Variants in MIA2 observed in about 807,000 individuals in gnomAD.
MIA2 encodes the protein MIA SH3 domain ER export factor 2, also known as melanoma inhibitory activity protein 2.
A neutral mutation model predicts 167.8 loss-of-function variants in MIA2; 127 were observed. The observed-to-expected ratio is 0.76, with a 90% CI of 0.66 to 0.88. MIA2 has a LOEUF of 0.88. MIA2 is among the 40% of genes least tolerant of loss of function. The pLI is 0.00. For synonymous variants in MIA2, 552 were observed against 541.9 expected, an observed-to-expected ratio of 1.02 and a Z score of -0.26; for missense variants, 1,690 against 1,624.7, an observed-to-expected ratio of 1.04 and a Z score of -0.69.
chr14:39,356,260 C>T (rs1339795994), downstream of MIA2, among the ~76,000 whole-genome samples: 1 of 152,164 alleles, frequency 6.6e-6, no homozygotes, highest in Non-Finnish European at 1.5e-5. Flanking sequence ...AGAGATTCAA[C>T]TTCTTCCTGG....
intron 25 of MIA2, among the ~76,000 whole-genome samples, chr14:39,340,508 C>T (rs2071547582): frequency 6.6e-6 from 1 of 152,204 alleles, no homozygotes; most frequent in South Asian, 2.1e-4. Context: ...TTTTACTTCA[C>T]TGACTCTGAT....
chr14:39,237,129 C>A, intron 2 of MIA2, 74 bp downstream of exon 2: 9 of 1,534,932 alleles, frequency 5.9e-6, no homozygotes, highest in Non-Finnish European at 7.1e-6. Context: ...CTTTTCTTTT[C>A]TTTTTTTTGG....
intron 6 of MIA2, chr14:39,266,462 A>G (rs1449418820): frequency 1.0e-6 from 1 of 985,364 alleles, no homozygotes; most frequent in Non-Finnish European, 1.2e-6. Context: ...TTGATTTAGC[A>G]TTTGGGTAAC....
intron 6 of MIA2, among the ~76,000 whole-genome samples, chr14:39,267,791 T>C (rs533158189): frequency 6.6e-6 from 1 of 152,344 alleles, no homozygotes; most frequent in South Asian, 2.1e-4. Context: ...GATGTAAATG[T>C]TTCCCGATTC....
At chr14:39,385,513 A>C (rs535898194) in intron 23 of MIA2, 4 of 848,594 alleles carry the variant, frequency 4.7e-6, no homozygotes, top group Non-Finnish European at 8.3e-6. Context: ...GTAGTCCACT[A>C]TCTCTGTTCC....
chr14:39,384,188 G>T (rs1489616582), intron 23 of MIA2, among the ~76,000 whole-genome samples: 1 of 152,146 alleles, frequency 6.6e-6, no homozygotes, highest in Non-Finnish European at 1.5e-5. Context: ...TTAAGCTGAA[G>T]CCATTTGCAA....
chr14:39,346,576 C>T (rs913919088), intron 26 of MIA2, among the ~76,000 whole-genome samples: 3 of 151,178 alleles, frequency 2.0e-5, no homozygotes, highest in Non-Finnish European at 4.4e-5. Flanking sequence ...AAGTACACAA[C>T]GTTAAGAAAA....
At chr14:39,344,882 G>A (rs1039582015) in intron 25 of MIA2, among the ~76,000 whole-genome samples, 4 of 152,042 alleles carry the variant, frequency 2.6e-5, no homozygotes, top group South Asian at 2.1e-4. Flanking sequence ...TTATTAAACC[G>A]CAATTACTTT....
chr14:39,321,028 A>G lies in MIA2; in HGVS notation c.3468A>G (p.Ser1156=). ...PTLLEGPLRL[S]PLLPGGGGRG... Reference sequence around the variant, plus strand: ...TGTTGGAGGGTCCACTCAGACTCTCACCTTTGCTTCCAGGGGGAGGAGGAA... The same window carrying G: ...TGTTGGAGGGTCCACTCAGACTCTCGCCTTTGCTTCCAGGGGGAGGAGGAA... Residue 1156 remains serine (S), a synonymous_variant, in exon 24 of 29, where the codon TCA becomes TCG. Transcript: ENST00000640607. The G allele has an allele frequency of 6.2e-7, 1 of 1,612,990 alleles. No homozygotes were observed. The highest frequency in any genetic ancestry group is 1.1e-5 in the South Asian group (1 of 90,944).
chr14:39,317,845 A>G lies in MIA2; in HGVS notation c.3217-99A>G, dbSNP rs1351727504. The G allele has an allele frequency of 4.2e-6, 3 of 715,978 alleles. No homozygotes were observed. The African/African-American group carries it at 5.6e-5, about 13-fold the overall frequency. 44.4% of individuals were successfully genotyped at this position (715,978 alleles called of 1,614,324 possible). On this transcript the variant is annotated intron_variant, in intron 21 of 28. Transcript: ENST00000640607. ...TGTATACCATTGTTGTGATATATAT[A>G]TATTTTTAAGAAATTTAATGAATGT...
chr14:39,375,423 T>C lies in MIA2; in HGVS notation c.2249-11462T>C, dbSNP rs116747523. 1.8e-3 allele frequency among the ~76,000 whole-genome samples: 280 copies of C among 152,306 alleles called. 2 individuals carry two copies. Among genetic ancestry groups the C allele is most frequent in the Middle Eastern group, 0.014 (4 of 294 alleles). ...AAAAGTTGTGGATCCAGGCCAGGCATGGTGGCTCACACCTGTAATCCCAGC... is the reference window on the plus strand; with the variant it reads ...AAAAGTTGTGGATCCAGGCCAGGCACGGTGGCTCACACCTGTAATCCCAGC... On this transcript the variant is annotated intron_variant, in intron 23 of 23. Coordinates refer to the MIA2 transcript ENST00000341502.
intron 6 of MIA2, among the ~76,000 whole-genome samples, chr14:39,261,822 C>T (rs892294776): frequency 2.0e-5 from 3 of 152,154 alleles, no homozygotes; most frequent in Non-Finnish European, 4.4e-5. Context: ...CCTTCACCCA[C>T]GTGTTGATGG....
At position 39,276,940 on chromosome 14, in the gene MIA2, GC is replaced by G. The variant is rs2058085629; in HGVS notation, c.1895del (p.Ala632GlufsTer7). On this transcript the variant is annotated frameshift_variant, in exon 7 of 29. Transcript: ENST00000640607. LOFTEE classifies it high-confidence loss of function. The stretch of plus-strand genomic sequence containing the variant: ...ACTTTTCTTTATCTTGAAGGTTGTG[GC>G]AGCACTGCCTGAAGGTATGAGACCA... ...PIVILTERVV[A>X]ALPEGMRPDS... is the part of the protein sequence containing the mutation. 1 of 1,612,032 alleles carries G rather than the reference GC, an allele frequency of 6.2e-7. No individual in the cohort carries two copies. Among genetic ancestry groups the G allele is most frequent in the South Asian group, 1.1e-5 (1 of 90,672 alleles).
intron 9 of MIA2, among the ~76,000 whole-genome samples, chr14:39,288,458 TATATATATATATATA>T (rs2060181404): frequency 8.1e-4 from 13 of 16,008 alleles, no homozygotes; most frequent in Middle Eastern, 0.014. Flanking sequence ...TATATATATA[TATATATATATATATA>T]TATTTTTTTT....
intron 6 of MIA2, among the ~76,000 whole-genome samples, chr14:39,275,693 TTTC>T (rs2057902055): frequency 6.6e-6 from 1 of 152,162 alleles, no homozygotes; most frequent in African/African-American, 2.4e-5. Context: ...GAAGAAAACT[TTTC>T]TTCCTGGTAT....
intron 3 of MIA2, among the ~76,000 whole-genome samples, chr14:39,246,048 C>G (rs375421388): frequency 2.7e-5 from 4 of 150,824 alleles, no homozygotes; most frequent in African/African-American, 9.8e-5. Context: ...TTGATTGCCT[C>G]TGCTTCTCAA....
intron 23 of MIA2, among the ~76,000 whole-genome samples, chr14:39,357,223 A>C (rs990583905): frequency 6.6e-6 from 1 of 152,138 alleles, no homozygotes; most frequent in Non-Finnish European, 1.5e-5. Flanking sequence ...TTGCTTTATG[A>C]ATCTGGGTGC....
At chr14:39,284,666 A>G (rs529835796) in intron 9 of MIA2, among the ~76,000 whole-genome samples, 2 of 151,672 alleles carry the variant, frequency 1.3e-5, no homozygotes, top group East Asian at 3.9e-4. Flanking sequence ...CAGTGTGCAG[A>G]TCTTTCACCT....
Position 39,286,325 on chromosome 14 carries a change from A to G in MIA2, c.2131-4694A>G, listed in dbSNP as rs570859219. ...TCAGGTGTGGTGGCGCGCGCCTGCA[A>G]TTGCAGGCACTCGGCAGGCTGAGGC... is the stretch of plus-strand genomic sequence containing the variant. On this transcript the variant is annotated intron_variant, in intron 9 of 28. Transcript: ENST00000640607. Among the ~76,000 whole-genome samples, 24 of 151,926 alleles carry G rather than the reference A, an allele frequency of 1.6e-4. No individual in the cohort carries two copies. In the East Asian group the frequency reaches 3.6e-3, roughly 23 times the overall value.
Sources: allele counts gnomAD v4.1 joint callset (sites outside exome capture counted in the v4.1 genomes callset), GRCh38; gene constraint gnomAD v4.1.1; transcripts MANE v1.5; gene names NCBI Gene and HGNC (gene_info 2026-07-23, HGNC 2026-07-21).